The following PRKCA variants were observed in gnomAD, a reference collection of about 807,000 sequenced individuals.
PRKCA encodes the protein protein kinase C alpha.
Under a neutral mutation model 87.0 loss-of-function variants are expected in PRKCA, and 27 were observed. The ratio of observed to expected loss-of-function variants is 0.31; its 90% CI spans 0.23 to 0.43. The LOEUF (loss-of-function observed/expected upper bound fraction) is 0.43. PRKCA is among the 20% of genes least tolerant of loss of function. The pLI is 1.00. For missense variants in PRKCA, 518 were observed against 852.3 expected (o/e 0.61, Z 4.88); for synonymous variants, 329 against 311.1 (o/e 1.06, Z -0.61).
intron 16 of PRKCA, among the ~76,000 whole-genome samples, chr17:66,798,700 G>A (rs1308489630): frequency 8.1e-6 from 1 of 123,082 alleles, no homozygotes; most frequent in Non-Finnish European, 1.8e-5. Flanking sequence ...TGATGGTGAT[G>A]GTGGTGGTGA....
At chr17:66,802,107 G>A (rs751876272) in intron 16 of PRKCA, among the ~76,000 whole-genome samples, 2 of 152,114 alleles carry the variant, frequency 1.3e-5, no homozygotes, top group Non-Finnish European at 2.9e-5. Context: ...CGCAGTCCCA[G>A]CTACTCAGGA....
intron 2 of PRKCA, among the ~76,000 whole-genome samples, chr17:66,450,626 G>A (rs920813091): frequency 6.6e-6 from 1 of 152,182 alleles, no homozygotes; most frequent in African/African-American, 2.4e-5. Context: ...TTTTTCTCTT[G>A]TGGATTAGTT....
At chr17:66,342,203 C>T (rs1345183345) in intron 2 of PRKCA, among the ~76,000 whole-genome samples, 8 of 152,000 alleles carry the variant, frequency 5.3e-5, no homozygotes, top group Admixed American at 2.0e-4. Flanking sequence ...GCAGGCAGAT[C>T]ACAAGGTCAG....
At chr17:66,463,741 G>C (rs556772440) in intron 2 of PRKCA, among the ~76,000 whole-genome samples, 2 of 152,208 alleles carry the variant, frequency 1.3e-5, no homozygotes, top group East Asian at 3.9e-4. Context: ...AGCAGTTTTA[G>C]GTTCCCAGCA....
At chr17:66,647,377 G>A (rs1971483105) in intron 5 of PRKCA, among the ~76,000 whole-genome samples, 1 of 152,102 alleles carries the variant, frequency 6.6e-6, no homozygotes, top group Non-Finnish European at 1.5e-5. Flanking sequence ...GACATCACAG[G>A]TGAATATTCA....
At chr17:66,477,742 T>A (rs1171878994) in intron 2 of PRKCA, among the ~76,000 whole-genome samples, 1 of 152,192 alleles carries the variant, frequency 6.6e-6, no homozygotes, top group East Asian at 1.9e-4. Flanking sequence ...ATTCACGTAA[T>A]GTACAATTCA....
chr17:66,341,261 G>C (rs1220475147), intron 2 of PRKCA, among the ~76,000 whole-genome samples: 3 of 152,116 alleles, frequency 2.0e-5, no homozygotes, highest in African/African-American at 7.2e-5. Context: ...TGCTTGCTGG[G>C]CAGCAGACAG....
At chr17:66,722,470 A>G (rs1973639077) in intron 8 of PRKCA, among the ~76,000 whole-genome samples, 1 of 152,222 alleles carries the variant, frequency 6.6e-6, no homozygotes, top group Non-Finnish European at 1.5e-5. Context: ...AGATGTTTTT[A>G]CACATGTACC....
At chr17:66,331,001 A>T (rs1452187681) in intron 2 of PRKCA, among the ~76,000 whole-genome samples, 1 of 152,186 alleles carries the variant, frequency 6.6e-6, no homozygotes, top group East Asian at 1.9e-4. Flanking sequence ...CTCTGGAGCA[A>T]CTCCATAAAT....
At chr17:66,613,946 C>A (rs1970446050) in intron 3 of PRKCA, among the ~76,000 whole-genome samples, 1 of 151,878 alleles carries the variant, frequency 6.6e-6, no homozygotes, top group South Asian at 2.1e-4. Context: ...TCACACCCAG[C>A]TAATTTTTGT....
At chr17:66,393,640 A>ATG (rs1910493482) in intron 2 of PRKCA, among the ~76,000 whole-genome samples, 3 of 107,458 alleles carry the variant, frequency 2.8e-5, no homozygotes, top group Non-Finnish European at 4.3e-5. Flanking sequence ...ATGTGTGTGC[A>ATG]CGTGTGTGTG....
chr17:66,336,213 G>A (rs569079866), intron 2 of PRKCA, among the ~76,000 whole-genome samples: 7 of 152,196 alleles, frequency 4.6e-5, no homozygotes, highest in Non-Finnish European at 1.0e-4. Flanking sequence ...ATAGATGTGT[G>A]GGACATAATA....
intron 3 of PRKCA, among the ~76,000 whole-genome samples, chr17:66,574,496 G>A (rs552495834): frequency 8.5e-5 from 13 of 152,248 alleles, no homozygotes; most frequent in Middle Eastern, 3.4e-3. Flanking sequence ...GAGAAACAGC[G>A]CAGTTGTCAC....
chr17:66,504,617 G>T (rs550937698), intron 3 of PRKCA, among the ~76,000 whole-genome samples: 3 of 152,040 alleles, frequency 2.0e-5, no homozygotes, highest in African/African-American at 7.2e-5. Flanking sequence ...AAAAAAGATT[G>T]CACAGGGTAG....
At chr17:66,711,756 C>T (rs1298689106) in intron 8 of PRKCA, among the ~76,000 whole-genome samples, 4 of 152,166 alleles carry the variant, frequency 2.6e-5, no homozygotes, top group Non-Finnish European at 5.9e-5. Context: ...AAGCTGGAAT[C>T]CACATCTAAT....
At chr17:66,754,368 G>A (rs1974503412) in intron 13 of PRKCA, among the ~76,000 whole-genome samples, 1 of 152,034 alleles carries the variant, frequency 6.6e-6, no homozygotes, top group African/African-American at 2.4e-5. Context: ...CACAGAGCGG[G>A]CACCATGTGC....
chr17:66,723,497 A>AT (rs1973665070), intron 8 of PRKCA, among the ~76,000 whole-genome samples: 2 of 152,064 alleles, frequency 1.3e-5, no homozygotes, highest in South Asian at 4.2e-4. Context: ...GCATGGTGGC[A>AT]TGCACCTGTA....
intron 6 of PRKCA, among the ~76,000 whole-genome samples, 193 bp from the exon 7 acceptor site, chr17:66,688,109 G>A (rs1468860101): frequency 6.6e-6 from 1 of 152,204 alleles, no homozygotes; most frequent in African/African-American, 2.4e-5. Flanking sequence ...CAGTGGGATA[G>A]ATTTGGCCCA....
chr17:66,327,606 T>C (rs1004146109), intron 2 of PRKCA, among the ~76,000 whole-genome samples: 1 of 152,170 alleles, frequency 6.6e-6, no homozygotes, highest in African/African-American at 2.4e-5. Context: ...TGACATCAAC[T>C]CTGTAAACTT....
Sources: allele counts gnomAD v4.1 joint callset (sites outside exome capture counted in the v4.1 genomes callset), GRCh38; gene constraint gnomAD v4.1.1; transcripts MANE v1.5; gene names NCBI Gene and HGNC (gene_info 2026-07-23, HGNC 2026-07-21).